Variants in CTNNA3 observed in about 807,000 individuals in gnomAD.
CTNNA3 encodes the protein catenin alpha 3, also known as catenin alpha-3.
In CTNNA3, 76 loss-of-function variants were observed where a neutral mutation model predicts 95.7. That is an observed-to-expected ratio of 0.79 (90% CI 0.66 to 0.96). The LOEUF is 0.96. Ranked by LOEUF, CTNNA3 falls within the 40% of genes least tolerant of loss-of-function variation. The pLI is 0.00. For synonymous variants in CTNNA3, 431 were observed against 374.4 expected (o/e 1.15, Z -1.74); for missense variants, 1,191 against 1,089.8 (o/e 1.09, Z -1.31).
chr10:67,377,241 A>G (rs1843726226), intron 5 of CTNNA3, among the ~76,000 whole-genome samples: 1 of 152,214 alleles, frequency 6.6e-6, no homozygotes, highest in Non-Finnish European at 1.5e-5. Flanking sequence ...TGCTGTTAAA[A>G]AGAAAACCTT....
chr10:67,412,540 C>T (rs774207713), intron 5 of CTNNA3, among the ~76,000 whole-genome samples: 10 of 151,896 alleles, frequency 6.6e-5, no homozygotes, highest in South Asian at 2.1e-4. Flanking sequence ...TGACCCTACC[C>T]GAGGCACATA....
At chr10:66,440,996 T>G (rs1023689348) in intron 11 of CTNNA3, among the ~76,000 whole-genome samples, 10 of 152,118 alleles carry the variant, frequency 6.6e-5, no homozygotes, top group Admixed American at 4.6e-4. Flanking sequence ...GTTCCTACTA[T>G]GTACTTCTCT....
intron 7 of CTNNA3, among the ~76,000 whole-genome samples, chr10:66,882,338 T>C (rs984940637): frequency 2.0e-5 from 3 of 152,126 alleles, no homozygotes; most frequent in African/African-American, 7.2e-5. Flanking sequence ...ATAGCTTTAA[T>C]TGCAGACACT....
Position 67,562,053 on chromosome 10 carries a change from C to G in CTNNA3, c.293-22384G>C, listed in dbSNP as rs193054474. Among the ~76,000 whole-genome samples, 163 of 152,232 alleles carry G rather than the reference C, an allele frequency of 1.1e-3. 1 individual carries two copies. Among genetic ancestry groups the G allele is most frequent in the African/African-American group, 3.8e-3 (157 of 41,508 alleles). On this transcript the variant is annotated intron_variant, in intron 3 of 17. Coordinates refer to ENST00000433211, the MANE Select transcript of CTNNA3 (RefSeq NM_013266.4). The stretch of plus-strand genomic sequence containing the variant: ...AGATGGATTCACAGCCAAATTCTAC[C>G]AGAGGTACAAGGAGGAATTGGTACC...
chr10:66,818,674 C>A (rs1842182195), intron 7 of CTNNA3, among the ~76,000 whole-genome samples: 1 of 152,080 alleles, frequency 6.6e-6, no homozygotes, highest in Non-Finnish European at 1.5e-5. Flanking sequence ...TCAACAATAT[C>A]CAAATTGGTC....
chr10:66,775,148 G>T (rs1299223229), intron 8 of CTNNA3, among the ~76,000 whole-genome samples: 2 of 152,064 alleles, frequency 1.3e-5, no homozygotes, highest in South Asian at 2.1e-4. Context: ...CATTGTATAG[G>T]TTCAAAGCAG....
chr10:67,461,407 T>C (rs528038777), intron 5 of CTNNA3, among the ~76,000 whole-genome samples: 7 of 152,214 alleles, frequency 4.6e-5, no homozygotes, highest in African/African-American at 1.7e-4. Context: ...TCCCCATTCC[T>C]GACCTACTTA....
At chr10:67,363,101 C>T (rs1843058802) in intron 5 of CTNNA3, among the ~76,000 whole-genome samples, 1 of 151,976 alleles carries the variant, frequency 6.6e-6, no homozygotes, top group African/African-American at 2.4e-5. Flanking sequence ...AACACTGTTT[C>T]AAAGAAACCA....
intron 9 of CTNNA3, among the ~76,000 whole-genome samples, chr10:66,747,417 T>C (rs1589209350): frequency 6.6e-6 from 1 of 152,196 alleles, no homozygotes; most frequent in African/African-American, 2.4e-5. Flanking sequence ...TCTTGAGACC[T>C]GTCTAGCTCC....
intron 10 of CTNNA3, among the ~76,000 whole-genome samples, chr10:66,573,466 C>T (rs1842925356): frequency 6.6e-6 from 1 of 152,100 alleles, no homozygotes; most frequent in African/African-American, 2.4e-5. Flanking sequence ...CTGTAACACT[C>T]CAGGATTATA....
chr10:65,944,854 GT>G (rs2077485615), intron 17 of CTNNA3, among the ~76,000 whole-genome samples: 4 of 144,852 alleles, frequency 2.8e-5, no homozygotes, highest in African/African-American at 1.1e-4. Context: ...GAAAATATCT[GT>G]CTATCTATCT....
chr10:66,912,952 T>C (rs1048003028), intron 7 of CTNNA3, among the ~76,000 whole-genome samples: 4 of 150,950 alleles, frequency 2.6e-5, no homozygotes, highest in African/African-American at 9.8e-5. Context: ...AAGAAATGCG[T>C]ACATAGGCCG....
intron 11 of CTNNA3, among the ~76,000 whole-genome samples, chr10:66,417,505 G>C (rs2093157156): frequency 6.6e-6 from 1 of 151,962 alleles, no homozygotes; most frequent in Non-Finnish European, 1.5e-5. Context: ...ATTGAAGTTA[G>C]AGTGGAATTT....
intron 5 of CTNNA3, among the ~76,000 whole-genome samples, chr10:67,223,962 A>G (rs922889943): frequency 2.0e-5 from 3 of 152,224 alleles, no homozygotes; most frequent in Non-Finnish European, 4.4e-5. Flanking sequence ...GGTACAATTA[A>G]CAAATAAAAA....
At chr10:66,070,253 G>C (rs1409152729) in intron 14 of CTNNA3, among the ~76,000 whole-genome samples, 3 of 152,082 alleles carry the variant, frequency 2.0e-5, no homozygotes, top group African/African-American at 4.8e-5. Context: ...TGTAAGAGAG[G>C]AGCAACTTTT....
chr10:67,604,661 T>C (rs1843205701), intron 3 of CTNNA3, among the ~76,000 whole-genome samples: 1 of 152,158 alleles, frequency 6.6e-6, no homozygotes, highest in Admixed American at 6.5e-5. Flanking sequence ...GACGCCAATA[T>C]GACAAACCTG....
chr10:67,179,094 T>C (rs1206900329), intron 7 of CTNNA3, among the ~76,000 whole-genome samples: 3 of 152,068 alleles, frequency 2.0e-5, no homozygotes, highest in Admixed American at 6.6e-5. Flanking sequence ...ATTTCAATTA[T>C]TCACATAATT....
Position 66,816,659 on chromosome 10 carries a change from C to A in CTNNA3, c.1048-41135G>T, listed in dbSNP as rs1842102637. On this transcript the variant is annotated intron_variant, in intron 7 of 17. Coordinates refer to ENST00000433211, the MANE Select transcript of CTNNA3 (RefSeq NM_013266.4). ...ACAAGGAAATAGAAGACTTGAACAA[C>A]ACTATAAGCCAACTACACCTAATAG... is the stretch of plus-strand genomic sequence containing the variant. Among the ~76,000 whole-genome samples the A allele has an allele frequency of 2.0e-5, 3 of 152,104 alleles. No homozygotes were observed. In the South Asian group the frequency reaches 6.2e-4, roughly 32 times the overall value.
At chr10:67,638,543 C>G (rs1839407188) in intron 2 of CTNNA3, among the ~76,000 whole-genome samples, 1 of 152,332 alleles carries the variant, frequency 6.6e-6, no homozygotes, top group East Asian at 1.9e-4. Context: ...CACCCCAAAT[C>G]AACAGAATAT....
Sources: gnomAD v4.1 joint callset for allele counts (sites outside exome capture counted in the v4.1 genomes callset) on GRCh38, gnomAD v4.1.1 for gene constraint, MANE v1.5 for transcripts, NCBI Gene and HGNC (gene_info 2026-07-23, HGNC 2026-07-21) for gene names.